JPH1: variants seen among roughly 807,000 people sequenced by gnomAD.
JPH1 encodes junctophilin 1, also known as junctophilin-1.
JPH1 carries 12 observed loss-of-function variants against 53.6 expected under a neutral mutation model. That is an observed-to-expected ratio of 0.22 (90% CI 0.14 to 0.36). The LOEUF (loss-of-function observed/expected upper bound fraction) is 0.36. Among genes scored for constraint, JPH1 ranks in the 10% least tolerant of loss-of-function variants. The pLI is 1.00. For synonymous variants in JPH1, 375 were observed against 363.8 expected (o/e 1.03, Z -0.35); for missense variants, 808 against 905.5 (o/e 0.89, Z 1.38).
chr8:74,284,818 CTTCT>C (rs1293732094), intron 2 of JPH1, among the ~76,000 whole-genome samples: 5 of 127,004 alleles, frequency 3.9e-5, no homozygotes, highest in South Asian at 2.5e-4. Context: ...GTTACTATTT[CTTCT>C]TTCTTTCTTT....
Position 74,250,998 on chromosome 8 carries a change from T to C in JPH1, c.1259-5823A>G, listed in dbSNP as rs191111889. On this transcript the variant is annotated intron_variant, in intron 3 of 5. Transcript: ENST00000342232. ...AAAATTAGAAAGTTACTGGTGAACATGGAATCAGAACAAGAAGCATGAGCT... is the reference window on the plus strand; with the variant it reads ...AAAATTAGAAAGTTACTGGTGAACACGGAATCAGAACAAGAAGCATGAGCT... 5.9e-5 allele frequency among the ~76,000 whole-genome samples: 9 copies of C among 152,272 alleles called. No individual in the cohort carries two copies. The East Asian group carries it at 1.7e-3, about 29-fold the overall frequency.
At chr8:74,254,367 T>G (rs1330028861) in intron 3 of JPH1, among the ~76,000 whole-genome samples, 1 of 152,044 alleles carries the variant, frequency 6.6e-6, no homozygotes, top group Non-Finnish European at 1.5e-5. Context: ...AAACTCTCAA[T>G]AAATTAGGTA....
chr8:74,266,477 G>A (rs528902906), intron 2 of JPH1, among the ~76,000 whole-genome samples: 7 of 152,188 alleles, frequency 4.6e-5, no homozygotes, highest in Non-Finnish European at 7.4e-5. Context: ...TATTACACGC[G>A]GTACCTAGAG....
intron 2 of JPH1, among the ~76,000 whole-genome samples, chr8:74,291,615 T>A (rs554195650): frequency 1.3e-5 from 2 of 152,340 alleles, no homozygotes; most frequent in Non-Finnish European, 2.9e-5. Context: ...GACCCAGCCA[T>A]CCCATTACTG....
intron 1 of JPH1, among the ~76,000 whole-genome samples, chr8:74,316,252 TCG>T (rs1324323587): frequency 2.6e-5 from 4 of 152,300 alleles, no homozygotes; most frequent in African/African-American, 9.6e-5. Flanking sequence ...TAAGAGAGAA[TCG>T]ACAACCACAA....
intron 2 of JPH1, among the ~76,000 whole-genome samples, chr8:74,268,629 G>T (rs1190550961): frequency 6.6e-6 from 1 of 152,032 alleles, no homozygotes; most frequent in Non-Finnish European, 1.5e-5. Flanking sequence ...GCAAACATCT[G>T]AAAGTGCTTG....
intron 2 of JPH1, among the ~76,000 whole-genome samples, chr8:74,308,786 T>G (rs898311282): frequency 6.6e-6 from 1 of 151,788 alleles, no homozygotes; most frequent in Non-Finnish European, 1.5e-5. Flanking sequence ...TAAAGCAGAG[T>G]GAGGACCCAG....
intron 3 of JPH1, among the ~76,000 whole-genome samples, chr8:74,247,549 C>T (rs1443632928): frequency 6.6e-6 from 1 of 152,066 alleles, no homozygotes; most frequent in South Asian, 2.1e-4. Context: ...TAATGTTTAA[C>T]TTAAATATAC....
At chr8:74,250,159 G>GAGTCTTGCTCTGTCACCCAGGCTGGAGT (rs540625920) in intron 3 of JPH1, among the ~76,000 whole-genome samples, 223 of 149,856 alleles carry the variant, frequency 1.5e-3, no homozygotes, top group African/African-American at 5.2e-3. Context: ...TTTTGAGACG[G>GAGTCTTGCTCTGTCACCCAGGCTGGAGT]AGTCTTGCTC....
chr8:74,278,185 TAGTG>T (rs1304044197), intron 2 of JPH1, among the ~76,000 whole-genome samples: 8 of 152,202 alleles, frequency 5.3e-5, no homozygotes, highest in South Asian at 2.1e-4. Context: ...GTTCTCGTGA[TAGTG>T]AGTAAGTCTC....
intron 4 of JPH1, among the ~76,000 whole-genome samples, chr8:74,242,382 T>A (rs1338040061): frequency 6.6e-6 from 1 of 152,172 alleles, no homozygotes; most frequent in African/African-American, 2.4e-5. Context: ...CTGTGATAGG[T>A]ACAGATGAGG....
chr8:74,314,821 TGACC>T (rs780482229), intron 2 of JPH1, 36 bp downstream of exon 2: 2 of 1,610,060 alleles, frequency 1.2e-6, no homozygotes, highest in Non-Finnish European at 1.7e-6. Flanking sequence ...TCCATTGTTC[TGACC>T]AACCCAGCAA....
chr8:74,245,662 T>A (rs1202213822), intron 3 of JPH1, among the ~76,000 whole-genome samples: 4 of 152,178 alleles, frequency 2.6e-5, no homozygotes, highest in Non-Finnish European at 4.4e-5. Flanking sequence ...TTTCTGAGGC[T>A]TAGGTTGCAC....
At chr8:74,245,333 G>A (rs1279635232) in intron 3 of JPH1, among the ~76,000 whole-genome samples, 158 bp from the exon 4 acceptor site, 2 of 152,054 alleles carry the variant, frequency 1.3e-5, no homozygotes, top group African/African-American at 4.8e-5. Context: ...ATTTATTATG[G>A]AAAGGCTGCT....
At chr8:74,272,570 A>C (rs941549823) in intron 2 of JPH1, among the ~76,000 whole-genome samples, 19 of 148,462 alleles carry the variant, frequency 1.3e-4, no homozygotes, top group African/African-American at 4.7e-4. Flanking sequence ...TTCTGATTTG[A>C]TCAGAGATGC....
intron 2 of JPH1, among the ~76,000 whole-genome samples, chr8:74,264,804 A>C (rs1386089822): frequency 6.6e-6 from 1 of 152,202 alleles, no homozygotes; most frequent in Non-Finnish European, 1.5e-5. Context: ...TGCCTTTTGT[A>C]AAAGGCTATC....
chr8:74,304,732 A>C (rs1807783739), intron 2 of JPH1, among the ~76,000 whole-genome samples: 1 of 152,214 alleles, frequency 6.6e-6, no homozygotes, highest in African/African-American at 2.4e-5. Context: ...CAAAATTTTT[A>C]CCATATTTAA....
At chr8:74,260,812 C>T (rs754184744) in intron 2 of JPH1, among the ~76,000 whole-genome samples, 13 of 152,126 alleles carry the variant, frequency 8.5e-5, no homozygotes, top group Non-Finnish European at 1.2e-4. Flanking sequence ...TGTGCTCTCA[C>T]GGGACTCCTT....
At chr8:74,238,100 G>A (rs1807052140) in intron 4 of JPH1, among the ~76,000 whole-genome samples, 1 of 152,142 alleles carries the variant, frequency 6.6e-6, no homozygotes, top group East Asian at 1.9e-4. Flanking sequence ...AGACATGATT[G>A]TGGTATTTAC....
Sources: gnomAD v4.1 joint callset for allele counts (sites outside exome capture counted in the v4.1 genomes callset) on GRCh38, gnomAD v4.1.1 for gene constraint, MANE v1.5 for transcripts, NCBI Gene and HGNC (gene_info 2026-07-23, HGNC 2026-07-21) for gene names.